HHIP: variants seen among roughly 807,000 people sequenced by gnomAD.
The protein encoded by HHIP is hedgehog interacting protein, also known as hedgehog-interacting protein.
Under a neutral mutation model 74.0 loss-of-function variants are expected in HHIP, and 12 were observed. That is an observed-to-expected ratio of 0.16 (90% CI 0.10 to 0.26). The LOEUF (loss-of-function observed/expected upper bound fraction) is 0.26. Among genes scored for constraint, HHIP ranks in the 10% least tolerant of loss-of-function variants. The pLI is 1.00. For synonymous variants in HHIP, 309 were observed against 311.6 expected, an observed-to-expected ratio of 0.99 and a Z score of 0.09; for missense variants, 788 against 845.0, an observed-to-expected ratio of 0.93 and a Z score of 0.84.
Position 144,714,153 on chromosome 4 carries a change from G to A in HHIP, c.1424-72G>A, listed in dbSNP as rs986127430. 2.1e-5 allele frequency: 28 copies of A among 1,311,342 alleles called. No homozygotes were observed. In the African/African-American group the frequency reaches 3.6e-4, roughly 17 times the overall value. The allele number at this position is 1,311,342 out of a possible 1,614,324, so 81.2% of individuals were successfully genotyped here. On this transcript the variant is annotated intron_variant, in intron 8 of 12. Transcript: ENST00000296575. Reference sequence around the variant, plus strand: ...TCAGAGTTAAATTACTATAGTAATTGTTGTTTGGTGTACATTCCTTTTACT... The same window carrying A: ...TCAGAGTTAAATTACTATAGTAATTATTGTTTGGTGTACATTCCTTTTACT...
rs1578702782 is a variant in HHIP, at chr4:144,691,954, G to A, written c.832-14577G>A. Among the ~76,000 whole-genome samples the A allele has an allele frequency of 5.3e-5, 8 of 152,086 alleles. 1 individual carries two copies. The South Asian group carries it at 1.7e-3, about 32-fold the overall frequency. ...GTCTAAGTGCTCAGGTAGAATCATTGAATTATCATTTTTGCTAGAGTTGAC... is the reference window on the plus strand; with the variant it reads ...GTCTAAGTGCTCAGGTAGAATCATTAAATTATCATTTTTGCTAGAGTTGAC... On this transcript the variant is annotated intron_variant, in intron 4 of 12. Transcript: ENST00000296575.
chr4:144,726,318 G>A (rs934981915), intron 11 of HHIP, among the ~76,000 whole-genome samples: 1 of 152,050 alleles, frequency 6.6e-6, no homozygotes, highest in Non-Finnish European at 1.5e-5. Flanking sequence ...TTCATTAGAA[G>A]CATTTTTTAA....
chr4:144,737,222 A>C (rs1000184775), intron 12 of HHIP, among the ~76,000 whole-genome samples: 8 of 152,208 alleles, frequency 5.3e-5, no homozygotes, highest in African/African-American at 1.9e-4. Context: ...AGAGCAAAGC[A>C]TATGCTGTCT....
chr4:144,715,477 T>A (rs201353596), intron 10 of HHIP, 47 bp downstream of exon 10: 2 of 1,572,448 alleles, frequency 1.3e-6, no homozygotes, highest in Non-Finnish European at 1.7e-6. Context: ...ACTTCCTTTT[T>A]CAAGAGGCTT....
In HHIP at chr4:144,658,461, C is replaced by T. The variant is rs374912938; in HGVS notation, c.473-329C>T. ...CTTGGTTCGCTCCAACCTCCACCTC[C>T]CGGTTCAAGTGATTCTCCTGCCTCA... On this transcript the variant is annotated intron_variant, in intron 2 of 12. Transcript: ENST00000296575. 1.2e-4 allele frequency among the ~76,000 whole-genome samples: 18 copies of T among 151,788 alleles called. No individual in the cohort carries two copies. The East Asian group carries it at 3.5e-3, about 30-fold the overall frequency.
At chr4:144,670,211 A>G (rs1728994561) in intron 4 of HHIP, among the ~76,000 whole-genome samples, 1 of 151,848 alleles carries the variant, frequency 6.6e-6, no homozygotes, top group South Asian at 2.1e-4. Context: ...CTGTAATCCC[A>G]GCACTTTGGG....
At position 144,669,989 on chromosome 4, in the gene HHIP, A is replaced by G. The variant is rs1053189208; in HGVS notation, c.831+10151A>G. 8.3e-3 allele frequency among the ~76,000 whole-genome samples: 1,247 copies of G among 150,780 alleles called. 19 individuals carry two copies. Among genetic ancestry groups the G allele is most frequent in the African/African-American group, 0.027 (1,126 of 41,180 alleles). On this transcript the variant is annotated intron_variant, in intron 4 of 12. Coordinates refer to ENST00000296575, the MANE Select transcript of HHIP (RefSeq NM_022475.3). ...ACCCCGTCTCTACTTAAAAAAAAAA[A>G]AAAAATTAGCTGGGTGTGGTGGTGT... is the stretch of plus-strand genomic sequence containing the variant.
At chr4:144,733,880 A>T (rs918634823) in intron 11 of HHIP, among the ~76,000 whole-genome samples, 5 of 152,310 alleles carry the variant, frequency 3.3e-5, no homozygotes, top group Admixed American at 3.3e-4. Flanking sequence ...AGAACCATAA[A>T]AATCTTCTGA....
intron 11 of HHIP, among the ~76,000 whole-genome samples, chr4:144,733,790 C>T (rs765759921): frequency 6.6e-6 from 1 of 152,104 alleles, no homozygotes; most frequent in Non-Finnish European, 1.5e-5. Flanking sequence ...ATTTTTTTCC[C>T]TGAAGATTAG....
intron 4 of HHIP, among the ~76,000 whole-genome samples, chr4:144,703,615 G>T (rs899445370): frequency 3.3e-5 from 5 of 152,178 alleles, no homozygotes; most frequent in African/African-American, 1.2e-4. Flanking sequence ...TGGGCTAGGG[G>T]ATCAGACCAA....
At chr4:144,734,993 A>C in intron 12 of HHIP, 104 bp downstream of exon 12, 1 of 1,124,256 alleles carries the variant, frequency 8.9e-7, no homozygotes, top group Non-Finnish European at 1.2e-6. Flanking sequence ...ATAGTGTTCA[A>C]AAGTATTTAG....
chr4:144,686,799 C>T (rs1192480805), intron 4 of HHIP, among the ~76,000 whole-genome samples: 1 of 152,188 alleles, frequency 6.6e-6, no homozygotes, highest in East Asian at 1.9e-4. Context: ...AAGGCCACAG[C>T]TTTCTTAGCA....
At chr4:144,731,926 T>A (rs1282650302) in intron 11 of HHIP, among the ~76,000 whole-genome samples, 1 of 152,270 alleles carries the variant, frequency 6.6e-6, no homozygotes, top group South Asian at 2.1e-4. Context: ...CATTATACTT[T>A]TGTGTATGCA....
At chr4:144,721,584 G>A (rs1730634790) in intron 11 of HHIP, among the ~76,000 whole-genome samples, 2 of 130,544 alleles carry the variant, frequency 1.5e-5, no homozygotes, top group African/African-American at 2.7e-5. Context: ...GAACTCAGGA[G>A]TTATTTAAGG....
At position 144,740,878 on chromosome 4, in the gene HHIP, G is replaced by A. The variant is rs1031025326; in HGVS notation, c.*2921G>A. The stretch of plus-strand genomic sequence containing the variant: ...TTGTCCATTCTCAAGTTTAAGCTGC[G>A]GTTGTCAGTTGAATGTGAAATGATG... On this transcript the variant is annotated 3_prime_UTR_variant, in exon 13 of 13. Transcript: ENST00000296575. 3.9e-5 allele frequency: 6 copies of A among 152,106 alleles called. No homozygotes were observed. Among genetic ancestry groups the A allele is most frequent in the African/African-American group, 7.2e-5 (3 of 41,432 alleles). 9.4% of individuals were successfully genotyped at this position (152,106 alleles called of 1,614,324 possible).
intron 4 of HHIP, chr4:144,660,149 A>G: frequency 2.4e-6 from 1 of 411,282 alleles, no homozygotes. Flanking sequence ...GGCATAACAC[A>G]GGACTGTACA....
Position 144,738,636 on chromosome 4 carries a change from G to A in HHIP, c.*679G>A, listed in dbSNP as rs894542312. On this transcript the variant is annotated 3_prime_UTR_variant, in exon 13 of 13. Transcript: ENST00000296575. ...TAAAATCAATCTTCCTAAAAGGTCT[G>A]CTTTTATTGTATATTTTATTTAACA... 17 of 683,410 alleles carry A rather than the reference G, an allele frequency of 2.5e-5. No individual in the cohort carries two copies. The highest frequency in any genetic ancestry group is 3.1e-5 in the Non-Finnish European group (17 of 554,524). The allele number at this position is 683,410 out of a possible 1,614,324, so 42.3% of individuals were successfully genotyped here.
At chr4:144,729,224 GGTAAAAGTGATGA>G (rs1730885343) in intron 11 of HHIP, among the ~76,000 whole-genome samples, 1 of 152,046 alleles carries the variant, frequency 6.6e-6, no homozygotes, top group Non-Finnish European at 1.5e-5. Flanking sequence ...CCCTTTTTTA[GGTAAAAGTGATGA>G]GTATTGGCTT....
rs567643025 is a variant in HHIP at position 144,716,628 on chromosome 4, G to A, written c.1678+1198G>A. 1.7e-4 allele frequency among the ~76,000 whole-genome samples: 26 copies of A among 151,872 alleles called. No individual in the cohort carries two copies. The South Asian group carries it at 2.9e-3, about 17-fold the overall frequency. ...TTTGGGAGGCCAAGGCAGGTGGATCGTCTGACATTGGGAATTCAAGACCAG... is the reference window on the plus strand; with the variant it reads ...TTTGGGAGGCCAAGGCAGGTGGATCATCTGACATTGGGAATTCAAGACCAG... On this transcript the variant is annotated intron_variant, in intron 10 of 12. Transcript: ENST00000296575.
Sources: allele counts gnomAD v4.1 joint callset (sites outside exome capture counted in the v4.1 genomes callset), GRCh38; gene constraint gnomAD v4.1.1; transcripts MANE v1.5; gene names NCBI Gene and HGNC (gene_info 2026-07-23, HGNC 2026-07-21).